BRINP2: variants seen among roughly 807,000 people sequenced by gnomAD.
BRINP2 encodes BMP/retinoic acid inducible neural specific 2.
In BRINP2, 21 loss-of-function variants were observed where a neutral mutation model predicts 69.2. The ratio of observed to expected loss-of-function variants is 0.30; its 90% CI spans 0.22 to 0.44. The LOEUF (loss-of-function observed/expected upper bound fraction) is 0.44, where lower values mean the gene tolerates loss of function less well. Ranked by LOEUF, BRINP2 falls within the 20% of genes least tolerant of loss-of-function variation. The pLI is 1.00. For missense variants in BRINP2, 877 were observed against 986.0 expected (o/e 0.89, Z 1.48); for synonymous variants, 380 against 394.1 (o/e 0.96, Z 0.42).
intron 1 of BRINP2, among the ~76,000 whole-genome samples, chr1:177,175,279 G>A (rs1648055037): frequency 6.9e-6 from 1 of 143,986 alleles, no homozygotes; most frequent in African/African-American, 2.9e-5. Context: ...GGAGACCATG[G>A]AAAAGCGGGG....
At chr1:177,230,201 G>C in intron 2 of BRINP2, 56 bp downstream of exon 2, 1 of 1,526,472 alleles carries the variant, frequency 6.6e-7, no homozygotes, top group Non-Finnish European at 8.8e-7. Flanking sequence ...ACCTGCACAG[G>C]CCCTGCTGGT....
chr1:177,281,286 T>C lies in BRINP2; in HGVS notation c.2110T>C (p.Leu704=), dbSNP rs550040456. The part of the protein sequence containing the change: ...PDAIRDLILQ[L]DYPYTQGSQD... ...TGCTATCCGGGACTTAATTCTCCAG[T>C]TGGACTACCCATATACTCAAGGTTC... Residue 704 remains leucine, a synonymous_variant, in exon 8 of 8, where the codon TTG becomes CTG. Transcript: ENST00000361539. The C allele has an allele frequency of 3.0e-5, 48 of 1,614,140 alleles. No individual in the cohort carries two copies. The South Asian group carries it at 3.4e-4, about 11-fold the overall frequency.
intron 1 of BRINP2, among the ~76,000 whole-genome samples, chr1:177,198,780 T>G (rs1222971013): frequency 6.6e-6 from 1 of 152,214 alleles, no homozygotes; most frequent in Non-Finnish European, 1.5e-5. Flanking sequence ...GGAAGAGCAG[T>G]GACTCCAATG....
intron 1 of BRINP2, among the ~76,000 whole-genome samples, chr1:177,226,256 C>T (rs192474334): frequency 6.6e-6 from 1 of 152,294 alleles, no homozygotes; most frequent in East Asian, 1.9e-4. Context: ...TTCAGTAGCT[C>T]ACAATGACCC....
At chr1:177,273,394 A>T in intron 4 of BRINP2, 94 bp from the exon 5 acceptor site, 1 of 749,642 alleles carries the variant, frequency 1.3e-6, no homozygotes. Context: ...CAAGGACAGG[A>T]TGTGGAACCT....
intron 2 of BRINP2, among the ~76,000 whole-genome samples, chr1:177,243,709 A>C (rs1186241573): frequency 6.6e-6 from 1 of 152,214 alleles, no homozygotes; most frequent in East Asian, 1.9e-4. Context: ...TGAGTGACTT[A>C]ATGAAAGTTT....
intron 1 of BRINP2, among the ~76,000 whole-genome samples, chr1:177,174,556 G>T (rs567888805): frequency 6.6e-6 from 1 of 152,282 alleles, no homozygotes; most frequent in South Asian, 2.1e-4. Context: ...CAGATAATGA[G>T]AACTATCAGT....
chr1:177,257,523 A>G (rs965375931), intron 4 of BRINP2, 139 bp downstream of exon 4: 4 of 836,146 alleles, frequency 4.8e-6, no homozygotes, highest in African/African-American at 1.7e-5. Flanking sequence ...AGACACAGCC[A>G]GCCTTCAGAC....
chr1:177,266,758 T>TA (rs1223096305), intron 4 of BRINP2, among the ~76,000 whole-genome samples: 1,468 of 59,042 alleles, frequency 0.025, 42 homozygotes, highest in African/African-American at 0.069. Flanking sequence ...AGACTCACTC[T>TA]AAAAAAAAAA....
chr1:177,229,055 G>A (rs967467442), intron 1 of BRINP2, among the ~76,000 whole-genome samples: 7 of 152,270 alleles, frequency 4.6e-5, no homozygotes, highest in African/African-American at 1.7e-4. Flanking sequence ...TGCATGGTGA[G>A]GTGAGAGGAT....
At chr1:177,211,891 A>G (rs1225668656) in intron 1 of BRINP2, among the ~76,000 whole-genome samples, 2 of 152,170 alleles carry the variant, frequency 1.3e-5, no homozygotes, top group African/African-American at 2.4e-5. Context: ...TCTTACCTCA[A>G]TGGATTATCA....
In BRINP2 at chr1:177,280,599, A is replaced by G. The variant is rs143873257; in HGVS notation, c.1423A>G (p.Thr475Ala). The change falls in exon 8 of 8, where the codon ACA becomes GCA. Residue 475 changes from threonine to alanine, a missense_variant. Thr to Ala is a moderately conservative substitution (Grantham distance 58, BLOSUM62 0). Coordinates refer to ENST00000361539, the MANE Select transcript of BRINP2 (RefSeq NM_021165.4). The part of the protein sequence containing the change: ...ACAHCAPDNS[T>A]RCGSCNPGYV... ...TGCCCACTGTGCTCCAGACAATAGC[A>G]CACGCTGTGGGAGCTGCAACCCGGG... 7.3e-5 allele frequency: 118 copies of G among 1,614,120 alleles called. No homozygotes were observed. Among genetic ancestry groups the G allele is most frequent in the Non-Finnish European group, 9.2e-5 (109 of 1,180,008 alleles).
chr1:177,234,151 C>T lies in BRINP2; in HGVS notation c.269+4006C>T, dbSNP rs1004404443. ...TGTGTGACTTCCGGGCTCCCCATACCTTGCTCCATTCCATAGCCCCCACTG... is the reference window on the plus strand; with the variant it reads ...TGTGTGACTTCCGGGCTCCCCATACTTTGCTCCATTCCATAGCCCCCACTG... On this transcript the variant is annotated intron_variant, in intron 2 of 7. Transcript: ENST00000361539. Among the ~76,000 whole-genome samples the T allele has an allele frequency of 1.4e-4, 22 of 152,200 alleles. 1 individual carries two copies. The highest frequency in any genetic ancestry group is 5.3e-4 in the African/African-American group (22 of 41,452).
intron 1 of BRINP2, among the ~76,000 whole-genome samples, chr1:177,210,326 G>A (rs1649187580): frequency 1.3e-5 from 2 of 152,140 alleles, no homozygotes; most frequent in African/African-American, 4.8e-5. Context: ...CAAGCAGTTG[G>A]AGGTGGAAAA....
Position 177,281,705 on chromosome 1 carries a change from CGT to C in BRINP2, c.*179_*180del. 1 of 698,646 alleles carries C rather than the reference CGT, an allele frequency of 1.4e-6. No individual in the cohort carries two copies. Among genetic ancestry groups the C allele is most frequent in the Non-Finnish European group, 2.3e-6 (1 of 431,176 alleles). 43.3% of individuals were successfully genotyped at this position (698,646 alleles called of 1,614,324 possible). ...GCGAGAGAGAAACAGCTACTGCGTG[CGT>C]GCGCGCACGCATACACACACACACA... On this transcript the variant is annotated 3_prime_UTR_variant, in exon 8 of 8. Coordinates refer to ENST00000361539, the MANE Select transcript of BRINP2 (RefSeq NM_021165.4).
At chr1:177,256,211 C>A in intron 3 of BRINP2, 102 bp downstream of exon 3, 2 of 1,444,172 alleles carry the variant, frequency 1.4e-6, no homozygotes, top group South Asian at 1.4e-5. Flanking sequence ...TCTTCCGGGC[C>A]TTTTATTGCC....
At position 177,174,157 on chromosome 1, in the gene BRINP2, G is replaced by A. The variant is rs183425058; in HGVS notation, c.-77+2425G>A. On this transcript the variant is annotated intron_variant, in intron 1 of 7. Coordinates refer to ENST00000361539, the MANE Select transcript of BRINP2 (RefSeq NM_021165.4). ...AAGGGAGGGCAGAGAACCTCAGAAA[G>A]AGGAACTGCTTTATGCAGGGTCACA... 1.4e-3 allele frequency among the ~76,000 whole-genome samples: 219 copies of A among 152,284 alleles called. 1 individual carries two copies. Among genetic ancestry groups the A allele is most frequent in the East Asian group, 2.5e-3 (13 of 5,162 alleles).
At chr1:177,224,759 T>C (rs1294688810) in intron 1 of BRINP2, among the ~76,000 whole-genome samples, 1 of 152,230 alleles carries the variant, frequency 6.6e-6, no homozygotes, top group Non-Finnish European at 1.5e-5. Context: ...AGTGATTTTA[T>C]TGTTTGTGCT....
intron 1 of BRINP2, among the ~76,000 whole-genome samples, chr1:177,209,999 A>G (rs1382977979): frequency 6.6e-6 from 1 of 152,094 alleles, no homozygotes; most frequent in African/African-American, 2.4e-5. Flanking sequence ...TTTTGCTGAC[A>G]TTTTCTAATT....
Sources: gnomAD v4.1 joint callset for allele counts (sites outside exome capture counted in the v4.1 genomes callset) on GRCh38, gnomAD v4.1.1 for gene constraint, MANE v1.5 for transcripts, NCBI Gene and HGNC (gene_info 2026-07-23, HGNC 2026-07-21) for gene names.